The following SCFD2 variants were observed in gnomAD, a reference collection of about 807,000 sequenced individuals.
SCFD2 encodes sec1 family domain containing 2.
A neutral mutation model predicts 58.9 loss-of-function variants in SCFD2; 54 were observed. The ratio of observed to expected loss-of-function variants is 0.92; its 90% CI spans 0.74 to 1.15. The LOEUF (loss-of-function observed/expected upper bound fraction) is 1.15. Ranked by LOEUF, SCFD2 falls within the 50% of genes most tolerant of loss-of-function variation. The probability of loss-of-function intolerance (pLI) is 0.00; values close to 1 mark genes in which losing one functional copy is unlikely to be tolerated. For synonymous variants in SCFD2, 321 were observed against 335.9 expected (o/e 0.96, Z 0.49); for missense variants, 805 against 836.6 (o/e 0.96, Z 0.47).
chr4:53,214,188 G>A (rs1728726743), intron 4 of SCFD2, among the ~76,000 whole-genome samples: 1 of 152,098 alleles, frequency 6.6e-6, no homozygotes, highest in Admixed American at 6.5e-5. Flanking sequence ...GGATGGCTAG[G>A]TCAAATGGTA....
intron 2 of SCFD2, among the ~76,000 whole-genome samples, chr4:53,333,357 A>C (rs1733560414): frequency 7.1e-6 from 1 of 140,806 alleles, no homozygotes. Flanking sequence ...CTATACTACA[A>C]GGCTACAGTA....
intron 4 of SCFD2, among the ~76,000 whole-genome samples, chr4:53,216,107 C>CT (rs1728821309): frequency 6.6e-6 from 1 of 152,026 alleles, no homozygotes; most frequent in Non-Finnish European, 1.5e-5. Context: ...CTAAAATTCT[C>CT]TTTTTTTGTT....
intron 7 of SCFD2, among the ~76,000 whole-genome samples, chr4:52,889,651 A>G (rs1718835257): frequency 6.6e-6 from 1 of 152,220 alleles, no homozygotes; most frequent in Non-Finnish European, 1.5e-5. Flanking sequence ...TAAACATATG[A>G]TAATTTACTG....
chr4:52,977,119 T>G (rs550148938), intron 5 of SCFD2, among the ~76,000 whole-genome samples: 1 of 152,226 alleles, frequency 6.6e-6, no homozygotes, highest in African/African-American at 2.4e-5. Flanking sequence ...AAATTCTACT[T>G]TGAACAATTG....
chr4:53,027,964 T>C (rs896758365), intron 5 of SCFD2, among the ~76,000 whole-genome samples: 2 of 150,826 alleles, frequency 1.3e-5, no homozygotes, highest in Non-Finnish European at 3.0e-5. Context: ...AAAATATATG[T>C]GGGCGGGCAT....
At chr4:52,907,726 G>GTT in intron 6 of SCFD2, 135 bp from the exon 7 acceptor site, 1 of 693,226 alleles carries the variant, frequency 1.4e-6, no homozygotes, top group Non-Finnish European at 2.5e-6. Context: ...GTGTGTGTGT[G>GTT]TGTGTGTGTG....
In SCFD2 at chr4:53,365,971, C is replaced by T. The variant is rs763164489; in HGVS notation, c.-30G>A. The T allele has an allele frequency of 2.6e-6, 4 of 1,510,918 alleles. No individual in the cohort carries two copies. The highest frequency in any genetic ancestry group is 2.6e-6 in the Non-Finnish European group (3 of 1,137,004). 93.6% of individuals were successfully genotyped at this position (1,510,918 alleles called of 1,614,324 possible). A position where few individuals can be genotyped will look rare whatever the true frequency, so the allele number is the denominator to read the frequency against. On this transcript the variant is annotated 5_prime_UTR_variant, in exon 1 of 9. Transcript: ENST00000401642. This position sits in a 1 kb window ranked among gnomAD's most constrained non-coding sequence, Gnocchi z 4.3. ...GGGGATTCGCAGACTTGGGAAACTA[C>T]GGTGCAGGAACTTCTTTCAGAACTC...
intron 5 of SCFD2, among the ~76,000 whole-genome samples, chr4:52,933,224 C>T (rs1378145361): frequency 1.3e-5 from 2 of 152,118 alleles, no homozygotes; most frequent in African/African-American, 2.4e-5. Context: ...TCCCTGACCC[C>T]GAGAACAGGG....
At chr4:53,228,380 T>C (rs376524366) in intron 4 of SCFD2, among the ~76,000 whole-genome samples, 9 of 152,168 alleles carry the variant, frequency 5.9e-5, no homozygotes, top group African/African-American at 2.2e-4. Context: ...GCAGCTATAG[T>C]CATCCTTCTT....
intron 5 of SCFD2, among the ~76,000 whole-genome samples, chr4:52,960,373 T>TC (rs1720817511): frequency 6.6e-6 from 1 of 151,032 alleles, no homozygotes; most frequent in African/African-American, 2.4e-5. Flanking sequence ...TTCTTCTTTT[T>TC]TTTTTTTTTT....
At chr4:53,019,529 A>G (rs1478815280) in intron 5 of SCFD2, among the ~76,000 whole-genome samples, 5 of 152,224 alleles carry the variant, frequency 3.3e-5, no homozygotes, top group Non-Finnish European at 7.3e-5. Context: ...CCTGATTATA[A>G]AAGAACACTT....
intron 5 of SCFD2, chr4:52,949,547 G>A (rs1720532453): frequency 6.6e-6 from 1 of 152,110 alleles, no homozygotes; most frequent in Non-Finnish European, 1.5e-5. Context: ...TTTCCTACAT[G>A]AGCTGTCTTG....
chr4:53,339,538 G>A (rs1350116944), intron 2 of SCFD2, among the ~76,000 whole-genome samples: 1 of 152,192 alleles, frequency 6.6e-6, no homozygotes. Context: ...GGGAGGCCGA[G>A]GCGGGCAGAT....
At chr4:53,289,474 G>A (rs1731770839) in intron 3 of SCFD2, among the ~76,000 whole-genome samples, 1 of 151,938 alleles carries the variant, frequency 6.6e-6, no homozygotes, top group Non-Finnish European at 1.5e-5. Context: ...AACTATGGCA[G>A]ATACACAAAT....
At chr4:53,278,369 A>AG (rs200239210) in intron 3 of SCFD2, among the ~76,000 whole-genome samples, 15,765 of 150,854 alleles carry the variant, frequency 0.1, 939 homozygotes, top group East Asian at 0.22. Context: ...AAAAAAAAAA[A>AG]AAAAGAAAAA....
intron 5 of SCFD2, among the ~76,000 whole-genome samples, chr4:53,035,428 G>A (rs1474049758): frequency 6.6e-6 from 1 of 152,170 alleles, no homozygotes; most frequent in East Asian, 1.9e-4. Flanking sequence ...AAGACTTCAT[G>A]TCTAAAACAC....
intron 5 of SCFD2, among the ~76,000 whole-genome samples, chr4:52,977,030 C>T (rs1009264332): frequency 1.1e-4 from 16 of 152,122 alleles, no homozygotes; most frequent in African/African-American, 3.6e-4. Flanking sequence ...GAGCCTGACA[C>T]ATAGTGAGCT....
chr4:53,106,950 G>C (rs544591699), intron 5 of SCFD2, among the ~76,000 whole-genome samples: 1 of 152,008 alleles, frequency 6.6e-6, no homozygotes, highest in Non-Finnish European at 1.5e-5. Flanking sequence ...TGAAACGAAG[G>C]AAAAAATGTT....
intron 5 of SCFD2, among the ~76,000 whole-genome samples, chr4:52,975,538 T>C (rs1385613264): frequency 6.6e-6 from 1 of 152,146 alleles, no homozygotes; most frequent in Non-Finnish European, 1.5e-5. Context: ...CTGGAGAGGA[T>C]GTGGAGAAAT....
Sources: gnomAD v4.1 joint callset for allele counts (sites outside exome capture counted in the v4.1 genomes callset) on GRCh38, gnomAD v4.1.1 for gene constraint, Gnocchi (gnomAD v3.1) non-coding constraint, MANE v1.5 for transcripts, NCBI Gene and HGNC (gene_info 2026-07-23, HGNC 2026-07-21) for gene names.